Variants in GRIK3 observed in about 807,000 individuals in gnomAD.
The protein encoded by GRIK3 is glutamate ionotropic receptor kainate type subunit 3, also known as glutamate receptor ionotropic, kainate 3.
A neutral mutation model predicts 102.5 loss-of-function variants in GRIK3; 29 were observed. The ratio of observed to expected loss-of-function variants is 0.28; its 90% CI spans 0.21 to 0.39. The LOEUF (loss-of-function observed/expected upper bound fraction) is 0.39. GRIK3 is among the 10% of genes least tolerant of loss of function. The pLI is 1.00. For synonymous variants in GRIK3, 511 were observed against 504.9 expected (o/e 1.01, Z -0.16); for missense variants, 908 against 1,252.4 (o/e 0.73, Z 4.15).
intron 1 of GRIK3, among the ~76,000 whole-genome samples, chr1:36,971,862 C>T (rs55645348): frequency 0.25 from 37,738 of 151,922 alleles, 5,969 homozygotes; most frequent in African/African-American, 0.45. Flanking sequence ...ATTATATAAA[C>T]GGGCCCACCA....
In GRIK3 at chr1:36,956,197, G is replaced by A. The variant is rs572425702; in HGVS notation, c.116-65101C>T. Among the ~76,000 whole-genome samples, 303 of 152,348 alleles carry A rather than the reference G, an allele frequency of 2.0e-3. 1 individual carries two copies. The highest frequency in any genetic ancestry group is 7.2e-3 in the African/African-American group (299 of 41,588). Reference sequence around the variant, plus strand: ...CTAAGCCAGCAAATGGCTGAGCCAGGGAAGCAAGAGAGGGGAAGAGGCCCT... The same window carrying A: ...CTAAGCCAGCAAATGGCTGAGCCAGAGAAGCAAGAGAGGGGAAGAGGCCCT... On this transcript the variant is annotated intron_variant, in intron 1 of 15. Coordinates refer to ENST00000373091, the MANE Select transcript of GRIK3 (RefSeq NM_000831.4).
At chr1:36,853,492 T>C in intron 8 of GRIK3, 123 bp downstream of exon 8, 1 of 661,214 alleles carries the variant, frequency 1.5e-6, no homozygotes. Flanking sequence ...ACCAAGTCAA[T>C]CCCTGAGGGG....
At position 36,880,794 on chromosome 1, in the gene GRIK3, C is replaced by T; in HGVS notation, c.390G>A (p.Val130=). Residue 130 remains valine (V), a synonymous_variant, in exon 3 of 16, where the codon GTG becomes GTA. Transcript: ENST00000373091. The surrounding 1 kb of genome is among the most constrained non-coding windows in gnomAD (Gnocchi z 5.4). ...GCTTCCAACGCAGCTGGATGTGGGG[C>T]ACCTCCAGGGCATTGCAGATGGACT... is the stretch of plus-strand genomic sequence containing the variant. ...AVQSICNALE[V]PHIQLRWKHH... 1 of 1,614,188 alleles carries T rather than the reference C, an allele frequency of 6.2e-7. No individual in the cohort carries two copies. Among genetic ancestry groups the T allele is most frequent in the South Asian group, 1.1e-5 (1 of 91,082 alleles).
At chr1:36,865,297 TG>T (rs1640771046) in intron 5 of GRIK3, among the ~76,000 whole-genome samples, 1 of 152,178 alleles carries the variant, frequency 6.6e-6, no homozygotes, top group Non-Finnish European at 1.5e-5. Flanking sequence ...TAATGGCAGC[TG>T]GGGTAATTAA....
chr1:36,871,129 A>G (rs575211958), intron 4 of GRIK3, among the ~76,000 whole-genome samples: 84 of 152,304 alleles, frequency 5.5e-4, no homozygotes, highest in African/African-American at 1.9e-3. Context: ...GATGGGGATT[A>G]TGAACCTCAT....
At chr1:36,865,100 A>G (rs114940736) in intron 5 of GRIK3, among the ~76,000 whole-genome samples, 5,145 of 152,304 alleles carry the variant, frequency 0.034, 131 homozygotes, top group South Asian at 0.055. Context: ...ACAGATGAAA[A>G]TATCTTCCCC....
intron 1 of GRIK3, among the ~76,000 whole-genome samples, chr1:36,933,680 G>A (rs951578110): frequency 6.6e-6 from 1 of 152,220 alleles, no homozygotes; most frequent in African/African-American, 2.4e-5. Flanking sequence ...ACATTCATGT[G>A]TCTTACACAC....
chr1:36,954,047 A>C (rs1641875563), intron 1 of GRIK3, among the ~76,000 whole-genome samples: 1 of 152,142 alleles, frequency 6.6e-6, no homozygotes, highest in Non-Finnish European at 1.5e-5. Context: ...CGTTAGTCCT[A>C]AGAGGAAAGG....
chr1:36,820,746 C>A (rs552127471), intron 11 of GRIK3, among the ~76,000 whole-genome samples: 1 of 152,222 alleles, frequency 6.6e-6, no homozygotes, highest in East Asian at 1.9e-4. Flanking sequence ...ATCCTATCCC[C>A]CGGAGAGAAC....
Position 36,878,509 on chromosome 1 carries a change from G to T in GRIK3, c.550+2125C>A, listed in dbSNP as rs139642142. 2.5e-4 allele frequency among the ~76,000 whole-genome samples: 38 copies of T among 152,376 alleles called. No individual in the cohort carries two copies. In the East Asian group the frequency reaches 4.6e-3, roughly 19 times the overall value. ...AAAAGCTGACATTGAATCACAGGCA[G>T]CTGAGAGCTGGAGGGCTCTTTCAAG... On this transcript the variant is annotated intron_variant, in intron 3 of 15. Transcript: ENST00000373091.
intron 11 of GRIK3, among the ~76,000 whole-genome samples, chr1:36,825,387 G>A (rs762355204): frequency 5.3e-5 from 8 of 152,174 alleles, no homozygotes; most frequent in Non-Finnish European, 1.2e-4. Flanking sequence ...CGAGGGTGAG[G>A]ACCAGGTGAT....
intron 1 of GRIK3, among the ~76,000 whole-genome samples, chr1:36,941,762 C>G (rs911948094): frequency 6.6e-6 from 1 of 152,206 alleles, no homozygotes; most frequent in Non-Finnish European, 1.5e-5. Context: ...ACCCATTTCA[C>G]AGATGGAGAA....
At chr1:36,895,962 G>A (rs1641167799) in intron 1 of GRIK3, among the ~76,000 whole-genome samples, 1 of 152,134 alleles carries the variant, frequency 6.6e-6, no homozygotes, top group Non-Finnish European at 1.5e-5. Context: ...AGCAAGAAGA[G>A]GGTGAAGTGA....
intron 1 of GRIK3, among the ~76,000 whole-genome samples, chr1:36,957,727 G>T (rs1306323828): frequency 2.7e-4 from 40 of 149,758 alleles, no homozygotes; most frequent in African/African-American, 8.2e-4. Context: ...TGTGCTCTGT[G>T]AGTCTGTGCC....
chr1:36,929,899 G>C (rs542258205), intron 1 of GRIK3, among the ~76,000 whole-genome samples: 1 of 152,380 alleles, frequency 6.6e-6, no homozygotes, highest in South Asian at 2.1e-4. Flanking sequence ...GCTTTTGAAA[G>C]CTTGGCTGGA....
chr1:37,019,404 A>G (rs1480606927), intron 1 of GRIK3, among the ~76,000 whole-genome samples: 1 of 152,206 alleles, frequency 6.6e-6, no homozygotes, highest in Non-Finnish European at 1.5e-5. Flanking sequence ...TGCGACTTTC[A>G]GTTCGTCTCT....
At chr1:36,945,547 T>C (rs1391418368) in intron 1 of GRIK3, among the ~76,000 whole-genome samples, 3 of 152,146 alleles carry the variant, frequency 2.0e-5, no homozygotes, top group Non-Finnish European at 4.4e-5. Flanking sequence ...TGCCAACAGA[T>C]GGAAAGACAC....
intron 1 of GRIK3, among the ~76,000 whole-genome samples, chr1:37,010,727 C>CTTTT (rs60750637): frequency 2.0e-4 from 20 of 102,526 alleles, no homozygotes; most frequent in East Asian, 2.7e-4. Context: ...ACCTGTACCA[C>CTTTT]TTTTTTTTTT....
At chr1:36,879,979 T>A (rs1340089559) in intron 3 of GRIK3, among the ~76,000 whole-genome samples, 1 of 152,116 alleles carries the variant, frequency 6.6e-6, no homozygotes, top group Non-Finnish European at 1.5e-5. Context: ...GGTGTCTGTG[T>A]GTGAGTGTGG....
Sources: gnomAD v4.1 joint callset for allele counts (sites outside exome capture counted in the v4.1 genomes callset) on GRCh38, gnomAD v4.1.1 for gene constraint, Gnocchi (gnomAD v3.1) non-coding constraint, MANE v1.5 for transcripts, NCBI Gene and HGNC (gene_info 2026-07-23, HGNC 2026-07-21) for gene names.